ERBB4: variants seen among roughly 807,000 people sequenced by gnomAD.
ERBB4 encodes the protein receptor tyrosine-protein kinase erbB-4.
Under a neutral mutation model 158.0 loss-of-function variants are expected in ERBB4, and 42 were observed. The observed-to-expected ratio is 0.27, with a 90% CI of 0.21 to 0.34. The LOEUF is 0.34. ERBB4 is among the 10% of genes least tolerant of loss of function. ERBB4 has a pLI of 1.00. For synonymous variants in ERBB4, 583 were observed against 558.7 expected (o/e 1.04, Z -0.61); for missense variants, 1,333 against 1,624.1 (o/e 0.82, Z 3.08).
At chr2:211,968,423 G>A (rs560195297) in intron 2 of ERBB4, among the ~76,000 whole-genome samples, 2 of 152,146 alleles carry the variant, frequency 1.3e-5, no homozygotes, top group South Asian at 4.1e-4. Context: ...GATTTCAGCT[G>A]TGACCAAATA....
chr2:212,307,414 A>G (rs1408788450), intron 1 of ERBB4, among the ~76,000 whole-genome samples: 1 of 151,254 alleles, frequency 6.6e-6, no homozygotes, highest in Non-Finnish European at 1.5e-5. Flanking sequence ...TTAAAAATAT[A>G]TTGCAATAGT....
intron 1 of ERBB4, among the ~76,000 whole-genome samples, chr2:212,192,191 A>G (rs1342310788): frequency 8.8e-6 from 1 of 113,838 alleles, no homozygotes; most frequent in African/African-American, 3.2e-5. Context: ...ATATAATATT[A>G]GATATATATA....
intron 12 of ERBB4, among the ~76,000 whole-genome samples, chr2:211,697,843 C>T (rs967352163): frequency 3.9e-5 from 6 of 152,130 alleles, no homozygotes; most frequent in Admixed American, 1.3e-4. Context: ...TTTTATGTAG[C>T]GTCATTTACA....
intron 1 of ERBB4, among the ~76,000 whole-genome samples, chr2:212,441,416 C>T (rs1560330281): frequency 6.6e-6 from 1 of 152,208 alleles, no homozygotes; most frequent in South Asian, 2.1e-4. Flanking sequence ...GAGCCACCCC[C>T]ATCACCTCTG....
chr2:212,175,300 C>T lies in ERBB4; in HGVS notation c.83-50397G>A, dbSNP rs564741003. 2.0e-4 allele frequency among the ~76,000 whole-genome samples: 31 copies of T among 152,160 alleles called. 1 individual carries two copies. The South Asian group carries it at 5.0e-3, about 24-fold the overall frequency. On this transcript the variant is annotated intron_variant, in intron 1 of 27. Transcript: ENST00000342788. ...CTTCTTTTAATTCAGACAATAGGCACATAGTCTAGAACTATACAATACCAA... is the reference window on the plus strand; with the variant it reads ...CTTCTTTTAATTCAGACAATAGGCATATAGTCTAGAACTATACAATACCAA...
At chr2:212,138,456 T>G (rs929921377) in intron 1 of ERBB4, among the ~76,000 whole-genome samples, 2 of 152,166 alleles carry the variant, frequency 1.3e-5, no homozygotes, top group African/African-American at 4.8e-5. Flanking sequence ...AAATTCAGCC[T>G]GGCATTCTGT....
intron 13 of ERBB4, among the ~76,000 whole-genome samples, chr2:211,674,852 G>A (rs979669447): frequency 1.1e-4 from 16 of 152,054 alleles, no homozygotes; most frequent in African/African-American, 3.9e-4. Flanking sequence ...CTAAATGAGG[G>A]TTGTAGTTTT....
At chr2:212,501,450 C>CA (rs531178838) in intron 1 of ERBB4, among the ~76,000 whole-genome samples, 248 of 152,230 alleles carry the variant, frequency 1.6e-3, no homozygotes, top group Non-Finnish European at 2.7e-3. Flanking sequence ...CTGGATAAGT[C>CA]AAACAATAGC....
At chr2:212,534,946 C>G (rs13000748) in intron 1 of ERBB4, among the ~76,000 whole-genome samples, 29,992 of 151,956 alleles carry the variant, frequency 0.2, 3,159 homozygotes, top group Non-Finnish European at 0.23. Context: ...GATAAATATT[C>G]TAATGTAATT....
chr2:211,400,269 T>C (rs1043107382), intron 25 of ERBB4, among the ~76,000 whole-genome samples: 1 of 152,150 alleles, frequency 6.6e-6, no homozygotes, highest in African/African-American at 2.4e-5. Flanking sequence ...TAAATATCTT[T>C]GAATAGAATA....
intron 2 of ERBB4, among the ~76,000 whole-genome samples, chr2:212,048,569 G>A (rs961657506): frequency 6.6e-5 from 10 of 152,212 alleles, no homozygotes; most frequent in Admixed American, 2.6e-4. Flanking sequence ...GCAACAACTG[G>A]AGTGGGCAGC....
chr2:211,931,324 CGTT>C (rs2080169088), intron 3 of ERBB4, among the ~76,000 whole-genome samples: 1 of 152,000 alleles, frequency 6.6e-6, no homozygotes, highest in African/African-American at 2.4e-5. Context: ...TATTATAGCA[CGTT>C]GTTATCTCTA....
intron 1 of ERBB4, among the ~76,000 whole-genome samples, chr2:212,490,315 CAACA>C (rs1366299845): frequency 1.3e-5 from 2 of 151,862 alleles, no homozygotes; most frequent in East Asian, 3.9e-4. Flanking sequence ...GTCAAATACA[CAACA>C]AACAGATCAA....
At chr2:212,054,193 T>C (rs568712893) in intron 2 of ERBB4, among the ~76,000 whole-genome samples, 2 of 152,182 alleles carry the variant, frequency 1.3e-5, no homozygotes, top group East Asian at 1.9e-4. Context: ...ATATGACCTA[T>C]GTAATAGGAG....
At chr2:212,476,628 C>T (rs1447982482) in intron 1 of ERBB4, among the ~76,000 whole-genome samples, 1 of 152,064 alleles carries the variant, frequency 6.6e-6, no homozygotes. Flanking sequence ...CCTGAAGACG[C>T]TATTGAGCAG....
intron 23 of ERBB4, 94 bp from the exon 24 acceptor site, chr2:211,422,198 A>T: frequency 9.1e-5 from 66 of 726,530 alleles, no homozygotes; most frequent in East Asian, 1.2e-4. Context: ...AGTTTGAAAA[A>T]TGTTGTTTTA....
At chr2:212,085,387 T>C (rs185663651) in intron 2 of ERBB4, among the ~76,000 whole-genome samples, 17 of 152,096 alleles carry the variant, frequency 1.1e-4, no homozygotes, top group Admixed American at 1.1e-3. Context: ...TTTATATAGC[T>C]CATTCTGTAC....
intron 1 of ERBB4, among the ~76,000 whole-genome samples, chr2:212,509,389 T>C (rs751756449): frequency 6.6e-6 from 1 of 152,058 alleles, no homozygotes; most frequent in Non-Finnish European, 1.5e-5. Flanking sequence ...TCTTAATTAA[T>C]AGTAAGGCGG....
intron 20 of ERBB4, among the ~76,000 whole-genome samples, chr2:211,451,876 G>A (rs1244490764): frequency 6.6e-6 from 1 of 152,172 alleles, no homozygotes; most frequent in Non-Finnish European, 1.5e-5. Flanking sequence ...TAGCTCAAGT[G>A]CTGGGCAAAT....
Sources: gnomAD v4.1 joint callset for allele counts (sites outside exome capture counted in the v4.1 genomes callset) on GRCh38, gnomAD v4.1.1 for gene constraint, MANE v1.5 for transcripts, NCBI Gene and HGNC (gene_info 2026-07-23, HGNC 2026-07-21) for gene names.